Variants in MS4A18 observed in about 807,000 individuals in gnomAD.
MS4A18 encodes the protein membrane spanning 4-domains A18.
A neutral mutation model predicts 13.1 loss-of-function variants in MS4A18; 27 were observed. The ratio of observed to expected loss-of-function variants is 2.06; its 90% CI spans 1.52 to 2.84. The LOEUF is 2.84. Ranked by LOEUF, MS4A18 falls within the 30% of genes most tolerant of loss-of-function variation. The probability of loss-of-function intolerance (pLI) is 0.00; values close to 1 mark genes in which losing one functional copy is unlikely to be tolerated. For synonymous variants in MS4A18, 126 were observed against 76.5 expected, an observed-to-expected ratio of 1.65 and a Z score of -3.38; for missense variants, 307 against 196.4, an observed-to-expected ratio of 1.56 and a Z score of -3.37.
At chr11:60,725,241 TGGA>T (rs1853132677), upstream of MS4A18, among the ~76,000 whole-genome samples, 1 of 152,210 alleles carries the variant, frequency 6.6e-6, no homozygotes, top group African/African-American at 2.4e-5. Flanking sequence ...TCACCCAGGC[TGGA>T]GTGCAGTGGC....
intron 5 of MS4A18, 149 bp from the exon 7 acceptor site, chr11:60,743,501 C>G (rs921197862): frequency 3.2e-6 from 2 of 618,924 alleles, no homozygotes; most frequent in African/African-American, 3.7e-5. Context: ...CTGTTGCCCC[C>G]TTGGCCAAAG....
rs560914837 is a variant in MS4A18, at chr11:60,732,791, T to C, written c.478-743T>C. ...CATGCTAGGAACTGGGCTACAAGTT[T>C]CATAGGCACTTTTAATCTCTACCAC... On this transcript the variant is annotated intron_variant, in intron 1 of 5. Coordinates refer to ENST00000529108, the Ensembl canonical transcript of MS4A18. Among the ~76,000 whole-genome samples the C allele has an allele frequency of 1.6e-4, 24 of 151,588 alleles. No homozygotes were observed. In the South Asian group the frequency reaches 2.1e-3, roughly 13 times the overall value.
At chr11:60,728,513 A>ATGTG (rs147898510), upstream of MS4A18, among the ~76,000 whole-genome samples, 1 of 113,786 alleles carries the variant, frequency 8.8e-6, no homozygotes, top group Admixed American at 8.9e-5. Flanking sequence ...GTGTGTGTGT[A>ATGTG]TGTGTGTGTG....
intron 1 of MS4A18, among the ~76,000 whole-genome samples, chr11:60,731,638 T>C (rs1853255109): frequency 6.6e-6 from 1 of 152,210 alleles, no homozygotes; most frequent in Admixed American, 6.5e-5. Flanking sequence ...TATTCCCATT[T>C]ACAAAATACA....
downstream of MS4A18, among the ~76,000 whole-genome samples, chr11:60,744,705 C>T (rs12296000): frequency 4.6e-5 from 7 of 152,244 alleles, no homozygotes; most frequent in African/African-American, 1.4e-4. Flanking sequence ...GGACAAAAGG[C>T]TTGAACAGAG....
chr11:60,741,077 G>A (rs1451134987), exon 5 of MS4A18: 1 of 702,922 alleles, frequency 1.4e-6, no homozygotes, highest in Non-Finnish European at 2.6e-6. Context: ...TTGCCCTCCT[G>A]GAGTTCATCC....
At chr11:60,736,951 C>CTTTTTTTTT in intron 2 of MS4A18, 27 bp from the exon 4 acceptor site, 1 of 633,442 alleles carries the variant, frequency 1.6e-6, no homozygotes, top group African/African-American at 2.0e-5. Flanking sequence ...ATTGGTCATT[C>CTTTTTTTTT]TTTTTTTTTT....
Position 60,729,478 on chromosome 11 carries a change from G to T in MS4A18, c.163G>T (p.Gly55Ter). 1.4e-6 allele frequency: 1 copy of T among 702,810 alleles called. No individual in the cohort carries two copies. The highest frequency in any genetic ancestry group is 2.0e-5 in the Admixed American group (1 of 50,012). The allele number at this position is 702,810 out of a possible 1,614,324, so 43.5% of individuals were successfully genotyped here. A position where few individuals can be genotyped will look rare whatever the true frequency, so the allele number is the denominator to read the frequency against. The change falls in exon 1 of 6, where the codon GGA becomes TGA. Residue 55 changes from glycine (G) to a stop codon, truncating the protein, a stop_gained. Coordinates refer to ENST00000529108, the Ensembl canonical transcript of MS4A18. LOFTEE classifies it high-confidence loss of function. ...ACCAAAAGTAATCCACTGTGATACA[G>T]GAAGAGCAAACTTACAGAATCTACT...
intron 5 of MS4A18, 59 bp from the exon 7 acceptor site, chr11:60,743,591 G>A: frequency 1.5e-6 from 1 of 670,366 alleles, no homozygotes; most frequent in Admixed American, 2.1e-5. Context: ...AAAAAATTAT[G>A]GCCATTGTTG....
chr11:60,744,698 C>T (rs980417702), downstream of MS4A18, among the ~76,000 whole-genome samples: 15 of 152,028 alleles, frequency 9.9e-5, no homozygotes, highest in African/African-American at 3.6e-4. Context: ...ACAAAATGGA[C>T]AAAAGGCTTG....
intron 1 of MS4A18, among the ~76,000 whole-genome samples, chr11:60,732,496 G>A (rs911811920): frequency 7.9e-5 from 12 of 151,926 alleles, no homozygotes; most frequent in African/African-American, 1.7e-4. Flanking sequence ...TTAAGAGGCC[G>A]AGGCGGGCGG....
intron 1 of MS4A18, 81 bp from the exon 3 acceptor site, chr11:60,733,453 C>A: frequency 2.9e-6 from 2 of 697,502 alleles, no homozygotes; most frequent in Admixed American, 2.0e-5. Context: ...GATTCTGGGG[C>A]ACAGCCAGGG....
chr11:60,735,661 CT>C (rs1167113182), intron 2 of MS4A18, among the ~76,000 whole-genome samples: 198 of 90,108 alleles, frequency 2.2e-3, no homozygotes, highest in South Asian at 7.8e-3. Context: ...CATTCCCTTG[CT>C]TTTTTTTTTT....
At chr11:60,741,493 T>C (rs1317190313) in intron 5 of MS4A18, among the ~76,000 whole-genome samples, 1 of 152,228 alleles carries the variant, frequency 6.6e-6, no homozygotes, top group Non-Finnish European at 1.5e-5. Context: ...CTGAGCTTCT[T>C]TGTGGGGAGC....
At chr11:60,736,994 C>A (rs1454024562) in exon 3 of MS4A18, 2 of 696,714 alleles carry the variant, frequency 2.9e-6, no homozygotes, top group Non-Finnish European at 5.2e-6. Context: ...GTATCTGGAT[C>A]CCTCTCAGTA....
intron 5 of MS4A18, among the ~76,000 whole-genome samples, 191 bp downstream of exon 6, chr11:60,741,334 A>G (rs1363879215): frequency 6.6e-6 from 1 of 152,120 alleles, no homozygotes; most frequent in Non-Finnish European, 1.5e-5. Flanking sequence ...GTGCATCATC[A>G]GCTTGGGCTA....
intron 3 of MS4A18, among the ~76,000 whole-genome samples, chr11:60,737,350 A>G (rs1299080982): frequency 2.0e-5 from 3 of 152,192 alleles, no homozygotes; most frequent in Non-Finnish European, 4.4e-5. Flanking sequence ...GCATTTTACT[A>G]TTCAAAAACT....
upstream of MS4A18, among the ~76,000 whole-genome samples, chr11:60,725,448 C>A (rs146753511): frequency 5.8e-3 from 888 of 152,238 alleles, 3 homozygotes; most frequent in African/African-American, 0.02. Context: ...CCCGCCTTGG[C>A]CTCCCAAAGT....
chr11:60,729,864 ATGT>A lies in MS4A18; in HGVS notation c.477+73_477+75del, dbSNP rs1459737482. On this transcript the variant is annotated intron_variant, in intron 1 of 5. Transcript: ENST00000529108. ...CTAGTGCTCTGGGATGAGGAAGGGAATGTGTTGAGAGGGTAAAGGGGAGGTGGA... is the reference window on the plus strand; with the variant it reads ...CTAGTGCTCTGGGATGAGGAAGGGAAGTTGAGAGGGTAAAGGGGAGGTGGA... The A allele has an allele frequency of 7.9e-6, 5 of 634,038 alleles. No homozygotes were observed. In the Admixed American group the frequency reaches 1.2e-4, roughly 15 times the overall value. 39.3% of individuals were successfully genotyped at this position (634,038 alleles called of 1,614,324 possible).
Sources: gnomAD v4.1 joint callset for allele counts (sites outside exome capture counted in the v4.1 genomes callset) on GRCh38, gnomAD v4.1.1 for gene constraint, MANE v1.5 for transcripts, NCBI Gene and HGNC (gene_info 2026-07-23, HGNC 2026-07-21) for gene names.